Variants in EPC2 observed in about 807,000 individuals in gnomAD.
The protein encoded by EPC2 is enhancer of polycomb 2, also known as enhancer of polycomb homolog 2.
EPC2 carries 14 observed loss-of-function variants against 92.1 expected under a neutral mutation model. The ratio of observed to expected loss-of-function variants is 0.15; its 90% CI spans 0.10 to 0.24. The LOEUF is 0.24. EPC2 is among the 10% of genes least tolerant of loss of function. The pLI is 1.00. For missense variants in EPC2, 755 were observed against 971.5 expected (o/e 0.78, Z 2.96); for synonymous variants, 340 against 334.7 (o/e 1.02, Z -0.17).
rs1031792629 is a variant in EPC2, at chr2:148,690,491, A to G, written c.313+118A>G. 7 of 888,944 alleles carry G rather than the reference A, an allele frequency of 7.9e-6. No homozygotes were observed. The East Asian group carries it at 1.1e-4, about 13-fold the overall frequency. 55.1% of individuals were successfully genotyped at this position (888,944 alleles called of 1,614,324 possible). The stretch of plus-strand genomic sequence containing the variant: ...AATTCATACACACTGATTAATAGAT[A>G]TGTTAAACATTAAAGAATAAAATCC... On this transcript the variant is annotated intron_variant, in intron 2 of 13. Transcript: ENST00000258484.
intron 1 of EPC2, among the ~76,000 whole-genome samples, chr2:148,664,735 G>A (rs1681025659): frequency 6.6e-6 from 1 of 152,156 alleles, no homozygotes; most frequent in Non-Finnish European, 1.5e-5. Context: ...TGGAATCACA[G>A]TATATACTCT....
intron 2 of EPC2, among the ~76,000 whole-genome samples, chr2:148,733,964 C>A (rs530419659): frequency 1.3e-5 from 2 of 152,178 alleles, no homozygotes; most frequent in South Asian, 4.1e-4. Context: ...AATTAGAATC[C>A]ACTGGAAAGT....
At chr2:148,774,568 T>A (rs1482674615) in intron 10 of EPC2, among the ~76,000 whole-genome samples, 1 of 148,488 alleles carries the variant, frequency 6.7e-6, no homozygotes, top group East Asian at 2.1e-4. Flanking sequence ...TAAGCCAAGA[T>A]CCTGCCACTG....
chr2:148,656,705 C>G (rs1309879925), intron 1 of EPC2, among the ~76,000 whole-genome samples: 1 of 152,154 alleles, frequency 6.6e-6, no homozygotes, highest in Non-Finnish European at 1.5e-5. Context: ...ATATTTGTGA[C>G]TGAATGTACA....
chr2:148,731,779 C>T (rs1323611038), intron 2 of EPC2, among the ~76,000 whole-genome samples: 2 of 152,162 alleles, frequency 1.3e-5, no homozygotes, highest in African/African-American at 4.8e-5. Context: ...AAAACACCAC[C>T]ATTGATAATT....
At chr2:148,725,882 C>CTAT (rs1436343411) in intron 2 of EPC2, among the ~76,000 whole-genome samples, 6 of 152,062 alleles carry the variant, frequency 3.9e-5, no homozygotes, top group African/African-American at 1.4e-4. Context: ...TATAGTTTAA[C>CTAT]TATGTCACAT....
At chr2:148,744,868 C>G (rs1682950028) in intron 3 of EPC2, among the ~76,000 whole-genome samples, 1 of 151,280 alleles carries the variant, frequency 6.6e-6, no homozygotes, top group African/African-American at 2.4e-5. Flanking sequence ...CATTAGTTTA[C>G]CCATACAAAT....
chr2:148,785,458 GC>G (rs1157244910), intron 13 of EPC2, among the ~76,000 whole-genome samples: 1 of 152,088 alleles, frequency 6.6e-6, no homozygotes, highest in East Asian at 1.9e-4. Flanking sequence ...CTCCCAAGTA[GC>G]TGGGATTATA....
chr2:148,686,023 T>A (rs922093427), intron 1 of EPC2, among the ~76,000 whole-genome samples: 2 of 152,206 alleles, frequency 1.3e-5, no homozygotes, highest in African/African-American at 4.8e-5. Flanking sequence ...AAGTTTCTTA[T>A]AATAAGACAA....
At chr2:148,785,683 A>G (rs1574643434) in intron 13 of EPC2, among the ~76,000 whole-genome samples, 1 of 152,192 alleles carries the variant, frequency 6.6e-6, no homozygotes, top group Non-Finnish European at 1.5e-5. Flanking sequence ...ACTCCATGCC[A>G]GAGTTTAGGT....
At chr2:148,707,458 G>A (rs916727565) in intron 2 of EPC2, among the ~76,000 whole-genome samples, 1 of 152,104 alleles carries the variant, frequency 6.6e-6, no homozygotes, top group African/African-American at 2.4e-5. Context: ...AGGTTAACAA[G>A]GATATCCAGA....
intron 2 of EPC2, among the ~76,000 whole-genome samples, chr2:148,737,713 G>A (rs544120650): frequency 3.3e-5 from 5 of 152,186 alleles, no homozygotes; most frequent in South Asian, 2.1e-4. Context: ...CTCTCTCAGG[G>A]ATGTCCAATC....
chr2:148,659,497 C>T (rs1376401438), intron 1 of EPC2, among the ~76,000 whole-genome samples: 1 of 152,034 alleles, frequency 6.6e-6, no homozygotes, highest in African/African-American at 2.4e-5. Context: ...CAGAATTTTA[C>T]TTATTGATAC....
intron 2 of EPC2, among the ~76,000 whole-genome samples, chr2:148,720,551 C>T (rs1682350508): frequency 6.6e-6 from 1 of 152,222 alleles, no homozygotes; most frequent in Admixed American, 6.5e-5. Context: ...GCTCTTGGGT[C>T]TCTGTGCATG....
chr2:148,666,002 A>C (rs896760656), intron 1 of EPC2, among the ~76,000 whole-genome samples: 1 of 152,216 alleles, frequency 6.6e-6, no homozygotes, highest in Non-Finnish European at 1.5e-5. Context: ...TTTCTTTGGG[A>C]GGCAAAGTTA....
At chr2:148,745,987 T>A (rs1682978099) in intron 3 of EPC2, among the ~76,000 whole-genome samples, 1 of 152,144 alleles carries the variant, frequency 6.6e-6, no homozygotes, top group African/African-American at 2.4e-5. Context: ...TGCTCTCATG[T>A]CTTGGAGCTG....
chr2:148,683,742 A>G (rs1033400176), intron 1 of EPC2, among the ~76,000 whole-genome samples: 11 of 152,204 alleles, frequency 7.2e-5, no homozygotes, highest in African/African-American at 1.9e-4. Context: ...GTAGTATTCC[A>G]TGGTATATAT....
intron 1 of EPC2, among the ~76,000 whole-genome samples, chr2:148,661,690 ATATAT>A (rs1364655466): frequency 1.4e-5 from 2 of 144,748 alleles, no homozygotes; most frequent in Non-Finnish European, 3.0e-5. Flanking sequence ...CATATAATAC[ATATAT>A]TATGTAATAC....
chr2:148,652,491 T>C (rs1680707440), intron 1 of EPC2, among the ~76,000 whole-genome samples: 1 of 152,208 alleles, frequency 6.6e-6, no homozygotes, highest in African/African-American at 2.4e-5. Flanking sequence ...TTGTAAGGGA[T>C]GAGTTTTGTT....
Sources: gnomAD v4.1 joint callset for allele counts (sites outside exome capture counted in the v4.1 genomes callset) on GRCh38, gnomAD v4.1.1 for gene constraint, MANE v1.5 for transcripts, NCBI Gene and HGNC (gene_info 2026-07-23, HGNC 2026-07-21) for gene names.